Variants in NAALADL2 observed in about 807,000 individuals in gnomAD.
NAALADL2 encodes inactive N-acetylated-alpha-linked acidic dipeptidase-like protein 2.
In NAALADL2, 76 loss-of-function variants were observed where a neutral mutation model predicts 87.2. That is an observed-to-expected ratio of 0.87 (90% CI 0.72 to 1.05). The LOEUF (loss-of-function observed/expected upper bound fraction) is 1.05. Ranked by LOEUF, NAALADL2 falls within the 50% of genes least tolerant of loss-of-function variation. The probability of loss-of-function intolerance (pLI) is 0.00; values close to 1 mark genes in which losing one functional copy is unlikely to be tolerated. For synonymous variants in NAALADL2, 354 were observed against 331.0 expected (o/e 1.07, Z -0.75); for missense variants, 1,089 against 945.8 (o/e 1.15, Z -1.99).
At chr3:175,542,116 T>G (rs900662782) in intron 9 of NAALADL2, among the ~76,000 whole-genome samples, 3 of 152,168 alleles carry the variant, frequency 2.0e-5, no homozygotes, top group African/African-American at 7.2e-5. Flanking sequence ...AGAGGATTTT[T>G]TATATGAAAT....
At chr3:175,202,053 T>A (rs977170415) in intron 2 of NAALADL2, among the ~76,000 whole-genome samples, 37 of 152,316 alleles carry the variant, frequency 2.4e-4, no homozygotes, top group South Asian at 2.1e-4. Flanking sequence ...CTATTTATTT[T>A]TTTTTTTACA....
chr3:175,463,514 A>G lies in NAALADL2; in HGVS notation c.1327+21A>G, dbSNP rs533059431. Reference sequence around the variant, plus strand: ...TCCAGGTAAGTAGGGTTGAAAATTTATAATCTACACTTTATATGAAACTAT... The same window carrying G: ...TCCAGGTAAGTAGGGTTGAAAATTTGTAATCTACACTTTATATGAAACTAT... On this transcript the variant is annotated intron_variant, in intron 7 of 13. Transcript: ENST00000454872. The G allele has an allele frequency of 1.5e-5, 19 of 1,290,602 alleles. No individual in the cohort carries two copies. The African/African-American group carries it at 1.8e-4, about 12-fold the overall frequency. The allele number at this position is 1,290,602 out of a possible 1,614,324, so 79.9% of individuals were successfully genotyped here. A position where few individuals can be genotyped will look rare whatever the true frequency, so the allele number is the denominator to read the frequency against.
chr3:175,172,344 A>G (rs1258670223), intron 2 of NAALADL2, among the ~76,000 whole-genome samples: 2 of 152,166 alleles, frequency 1.3e-5, no homozygotes, highest in African/African-American at 4.8e-5. Context: ...TGCTCTTACT[A>G]TTGAATTATC....
chr3:174,871,059 A>G (rs1727765748), intron 1 of NAALADL2, among the ~76,000 whole-genome samples: 1 of 152,208 alleles, frequency 6.6e-6, no homozygotes, highest in Non-Finnish European at 1.5e-5. Context: ...AATGGGTTCT[A>G]CTAAATTCAA....
intron 2 of NAALADL2, among the ~76,000 whole-genome samples, chr3:175,102,316 C>T (rs1194443545): frequency 1.3e-5 from 2 of 152,124 alleles, no homozygotes; most frequent in Admixed American, 1.3e-4. Context: ...CTTTGTGTCA[C>T]CAAATGGTCT....
intron 1 of NAALADL2, among the ~76,000 whole-genome samples, chr3:174,497,635 C>CT (rs34296074): frequency 0.42 from 63,496 of 151,866 alleles, 14,279 homozygotes; most frequent in East Asian, 0.88. Context: ...TCATAAATGT[C>CT]TGTCTTCCCT....
At chr3:175,501,757 A>G (rs1342067236) in intron 9 of NAALADL2, among the ~76,000 whole-genome samples, 1 of 152,174 alleles carries the variant, frequency 6.6e-6, no homozygotes, top group Non-Finnish European at 1.5e-5. Flanking sequence ...CTAGTAGTGA[A>G]AAGTTTGAAA....
intron 1 of NAALADL2, chr3:174,523,670 G>A (rs1259321865): frequency 6.6e-6 from 1 of 152,190 alleles, no homozygotes; most frequent in African/African-American, 2.4e-5. Context: ...GAAATTTGCT[G>A]TCTGCTGGAA....
intron 5 of NAALADL2, among the ~76,000 whole-genome samples, chr3:175,428,104 A>G (rs556617498): frequency 6.6e-6 from 1 of 152,214 alleles, no homozygotes; most frequent in East Asian, 1.9e-4. Flanking sequence ...CCAGATTTAG[A>G]TATTGATCAT....
intron 1 of NAALADL2, among the ~76,000 whole-genome samples, chr3:174,962,831 T>G (rs186319860): frequency 2.6e-4 from 40 of 152,218 alleles, no homozygotes; most frequent in African/African-American, 8.7e-4. Context: ...GGGAGATTTT[T>G]TTCAGGATCC....
intron 1 of NAALADL2, among the ~76,000 whole-genome samples, chr3:174,945,559 C>T (rs147113746): frequency 6.6e-6 from 1 of 152,130 alleles, no homozygotes; most frequent in African/African-American, 2.4e-5. Context: ...CAAAGATATT[C>T]TTTAATAGAA....
chr3:174,632,299 A>C (rs956217513), intron 2 of NAALADL2, among the ~76,000 whole-genome samples: 1 of 152,216 alleles, frequency 6.6e-6, no homozygotes, highest in East Asian at 1.9e-4. Context: ...ACCGTGCTCT[A>C]TCCAGGCTTT....
At chr3:175,459,908 T>C (rs1722859838) in intron 6 of NAALADL2, 2 of 304,310 alleles carry the variant, frequency 6.6e-6, no homozygotes, top group South Asian at 5.6e-5. Flanking sequence ...TATCTCTCTG[T>C]ATTCTTTTCA....
At chr3:175,258,317 C>A (rs1244380490) in intron 4 of NAALADL2, among the ~76,000 whole-genome samples, 4,477 of 135,904 alleles carry the variant, frequency 0.033, 143 homozygotes, top group Middle Eastern at 0.079. Context: ...CCCTCCGCCC[C>A]CACCACCAAA....
chr3:175,069,243 A>C lies in NAALADL2; in HGVS notation c.44-27547A>C, dbSNP rs534019519. On this transcript the variant is annotated intron_variant, in intron 1 of 13. Coordinates refer to ENST00000454872, the MANE Select transcript of NAALADL2 (RefSeq NM_207015.3). Reference sequence around the variant, plus strand: ...ACAGGCAACCTACAAAATGGGAGAAAATTTTCGCAACCTACTCATCTGACA... The same window carrying C: ...ACAGGCAACCTACAAAATGGGAGAACATTTTCGCAACCTACTCATCTGACA... 2.0e-5 allele frequency among the ~76,000 whole-genome samples: 3 copies of C among 149,868 alleles called. No individual in the cohort carries two copies. The South Asian group carries it at 6.3e-4, about 31-fold the overall frequency.
At position 175,809,943 on chromosome 3, in the gene NAALADL2, A is replaced by G. The variant is rs1347986173; in HGVS notation, c.*6740A>G. On this transcript the variant is annotated 3_prime_UTR_variant, in exon 14 of 14. Transcript: ENST00000454872. Reference sequence around the variant, plus strand: ...TAAAATTTGGAGGAAAATTTTTCCAAATAAATTTGCTTTGATTAAAAACAC... The same window carrying G: ...TAAAATTTGGAGGAAAATTTTTCCAGATAAATTTGCTTTGATTAAAAACAC... 6.6e-6 allele frequency: 1 copy of G among 152,030 alleles called. No individual in the cohort carries two copies. The highest frequency in any genetic ancestry group is 1.5e-5 in the Non-Finnish European group (1 of 67,954). 9.4% of individuals were successfully genotyped at this position (152,030 alleles called of 1,614,324 possible). A position where few individuals can be genotyped will look rare whatever the true frequency, so the allele number is the denominator to read the frequency against.
chr3:175,105,238 C>A (rs1423552836), intron 2 of NAALADL2, among the ~76,000 whole-genome samples: 1 of 152,052 alleles, frequency 6.6e-6, no homozygotes, highest in Non-Finnish European at 1.5e-5. Flanking sequence ...TGGCATGAAT[C>A]ACTTTCTGTT....
chr3:174,788,742 G>C (rs1400644581), intron 3 of NAALADL2, among the ~76,000 whole-genome samples: 1 of 152,158 alleles, frequency 6.6e-6, no homozygotes, highest in African/African-American at 2.4e-5. Context: ...AGAGGTGATA[G>C]AATGCTTACA....
rs754561655 is a variant in NAALADL2 at position 175,361,718 on chromosome 3, GA to G, written c.1090+37394del. ...CGCCCACTTTTTGATGGGGTTGTTT[GA>G]TTTTTTCTTGTAAATTTGTTTGAGT... On this transcript the variant is annotated intron_variant, in intron 5 of 13. Coordinates refer to ENST00000454872, the MANE Select transcript of NAALADL2 (RefSeq NM_207015.3). 4.0e-4 allele frequency among the ~76,000 whole-genome samples: 59 copies of G among 147,976 alleles called. 6 individuals are homozygous for G. Among genetic ancestry groups the G allele is most frequent in the Admixed American group, 6.9e-4 (10 of 14,512 alleles).
Sources: gnomAD v4.1 joint callset for allele counts (sites outside exome capture counted in the v4.1 genomes callset) on GRCh38, gnomAD v4.1.1 for gene constraint, MANE v1.5 for transcripts, NCBI Gene and HGNC (gene_info 2026-07-23, HGNC 2026-07-21) for gene names.